The following OR10J1 variants were observed in gnomAD, a reference collection of about 807,000 sequenced individuals.
The protein encoded by OR10J1 is olfactory receptor 10J1.
For synonymous variants in OR10J1, 202 were observed against 143.8 expected, an observed-to-expected ratio of 1.40 and a Z score of -2.89; for missense variants, 474 against 376.6, an observed-to-expected ratio of 1.26 and a Z score of -2.14.
chr1:159,421,254 T>TTTATGTTA, the OR10J1 span, among the ~76,000 whole-genome samples: 1 of 151,744 alleles, frequency 6.6e-6, no homozygotes, highest in East Asian at 1.9e-4. Context: ...TAGGTTCTTT[T>TTTATGTTA]TTATGTTATC....
chr1:159,405,846 G>C, the OR10J1 span: 2 of 865,900 alleles, frequency 2.3e-6, no homozygotes, highest in Non-Finnish European at 3.7e-6. Flanking sequence ...CACAGAAGAA[G>C]TGGGAGATGA....
At chr1:159,400,480 G>A in the OR10J1 span, among the ~76,000 whole-genome samples, 3 of 151,154 alleles carry the variant, frequency 2.0e-5, no homozygotes, top group African/African-American at 4.8e-5. Flanking sequence ...AAGACAAAGA[G>A]TGTCACTATA....
the OR10J1 span, among the ~76,000 whole-genome samples, chr1:159,413,201 G>T: frequency 3.2e-4 from 49 of 152,136 alleles, no homozygotes; most frequent in African/African-American, 1.2e-3. Context: ...AGGTGCTGGA[G>T]AGGATATGGA....
chr1:159,404,134 G>T, the OR10J1 span, among the ~76,000 whole-genome samples: 9 of 152,006 alleles, frequency 5.9e-5, no homozygotes, highest in Non-Finnish European at 1.2e-4. Flanking sequence ...TGAGGGGGAG[G>T]TGGGGATTGT....
chr1:159,399,164 T>G, the OR10J1 span, among the ~76,000 whole-genome samples: 1 of 151,114 alleles, frequency 6.6e-6, no homozygotes, highest in South Asian at 2.1e-4. Context: ...AAAAAAAAAC[T>G]GTTAAGTCTA....
the OR10J1 span, chr1:159,406,240 T>C: frequency 5.7e-6 from 3 of 529,512 alleles, no homozygotes; most frequent in East Asian, 1.6e-4. Context: ...AATAATCACA[T>C]TGCCAGAGAC....
chr1:159,404,189 T>G, the OR10J1 span, among the ~76,000 whole-genome samples: 12 of 152,058 alleles, frequency 7.9e-5, no homozygotes, highest in African/African-American at 2.9e-4. Flanking sequence ...AGGCCTACTA[T>G]TTGATAGCAC....
chr1:159,421,137 A>C, the OR10J1 span, among the ~76,000 whole-genome samples: 1 of 152,068 alleles, frequency 6.6e-6, no homozygotes, highest in Non-Finnish European at 1.5e-5. Context: ...CAAAAGGCCC[A>C]TTTTTAAGTT....
At chr1:159,423,631 TGAG>T in the OR10J1 span, among the ~76,000 whole-genome samples, 2 of 152,164 alleles carry the variant, frequency 1.3e-5, no homozygotes, top group African/African-American at 2.4e-5. Flanking sequence ...GTGTAGACAA[TGAG>T]GAGATTAAGA....
the OR10J1 span, among the ~76,000 whole-genome samples, chr1:159,398,431 G>GA: frequency 2.1e-3 from 315 of 152,226 alleles, no homozygotes; most frequent in African/African-American, 7.1e-3. Context: ...GACCAATCCT[G>GA]AAAAAACAGA....
At chr1:159,435,173 T>G (rs368550577), upstream of OR10J1, among the ~76,000 whole-genome samples, 22 of 152,284 alleles carry the variant, frequency 1.4e-4, no homozygotes, top group African/African-American at 5.1e-4. Flanking sequence ...ACTCCGAGTG[T>G]TCTTTTTGTG....
the OR10J1 span, among the ~76,000 whole-genome samples, chr1:159,412,518 T>A: frequency 5.3e-4 from 78 of 146,564 alleles, 1 homozygote; most frequent in African/African-American, 2.0e-3. Context: ...AACAGAGCCC[T>A]CAGAAATAAT....
the OR10J1 span, among the ~76,000 whole-genome samples, chr1:159,422,761 C>T: frequency 6.6e-6 from 1 of 152,134 alleles, no homozygotes; most frequent in Non-Finnish European, 1.5e-5. Flanking sequence ...AAGTTTCGAA[C>T]CTTACTAGGG....
chr1:159,440,391 T>A lies in OR10J1; in HGVS notation c.600T>A (p.Ile200=), dbSNP rs776055407. 2.5e-6 allele frequency: 4 copies of A among 1,614,174 alleles called. No individual in the cohort carries two copies. The East Asian group carries it at 6.7e-5, about 27-fold the overall frequency. The change falls in exon 1 of 1, where the codon ATT becomes ATA. Residue 200 remains isoleucine, a synonymous_variant. Transcript: ENST00000423932. The stretch of plus-strand genomic sequence containing the variant: ...CTGTCAATGAAATCCTGACTTTGAT[T>A]ATCAGTGTGCTGGTGCTTGTTGTAC... The part of the protein sequence containing the change: ...DTTVNEILTL[I]ISVLVLVVPM...
At chr1:159,431,424 C>T in the OR10J1 span, among the ~76,000 whole-genome samples, 10,107 of 152,240 alleles carry the variant, frequency 0.066, 747 homozygotes, top group African/African-American at 0.17. Flanking sequence ...CCCAGGAGTG[C>T]GCCTCACACA....
At chr1:159,404,314 G>A in the OR10J1 span, among the ~76,000 whole-genome samples, 5 of 152,094 alleles carry the variant, frequency 3.3e-5, no homozygotes, top group Non-Finnish European at 7.4e-5. Context: ...AGAATTTAAT[G>A]TCTTCCACCT....
the OR10J1 span, among the ~76,000 whole-genome samples, chr1:159,423,815 C>T: frequency 1.3e-5 from 2 of 152,170 alleles, no homozygotes; most frequent in Non-Finnish European, 2.9e-5. Context: ...CGTCTGGGTG[C>T]TTCCTAATGA....
chr1:159,436,588 G>A (rs1468174088), upstream of OR10J1, among the ~76,000 whole-genome samples: 1 of 151,758 alleles, frequency 6.6e-6, no homozygotes, highest in Non-Finnish European at 1.5e-5. Flanking sequence ...TCCCAGTGCA[G>A]GGTATGGTGT....
At chr1:159,434,221 G>A (rs1198131018), upstream of OR10J1, among the ~76,000 whole-genome samples, 1 of 152,132 alleles carries the variant, frequency 6.6e-6, no homozygotes, top group East Asian at 1.9e-4. Flanking sequence ...CAGCCCTGAA[G>A]TCTGTAGTTG....
Sources: gnomAD v4.1 joint callset for allele counts (sites outside exome capture counted in the v4.1 genomes callset) on GRCh38, gnomAD v4.1.1 for gene constraint, MANE v1.5 for transcripts, NCBI Gene and HGNC (gene_info 2026-07-23, HGNC 2026-07-21) for gene names.